The following PPFIA2 variants were observed in gnomAD, a reference collection of about 807,000 sequenced individuals.
PPFIA2 encodes PPFI scaffold protein A2.
PPFIA2 carries 46 observed loss-of-function variants against 175.5 expected under a neutral mutation model. The observed-to-expected ratio is 0.26, with a 90% CI of 0.21 to 0.34. PPFIA2 has a LOEUF of 0.34. Ranked by LOEUF, PPFIA2 falls within the 10% of genes least tolerant of loss-of-function variation. The pLI, the probability that PPFIA2 is intolerant of heterozygous loss-of-function variation, is 1.00. For synonymous variants in PPFIA2, 568 were observed against 511.4 expected (o/e 1.11, Z -1.49); for missense variants, 1,179 against 1,506.1 (o/e 0.78, Z 3.60).
intron 22 of PPFIA2, among the ~76,000 whole-genome samples, chr12:81,306,697 T>C (rs565125156): frequency 3.1e-4 from 47 of 151,878 alleles, no homozygotes; most frequent in African/African-American, 1.1e-3. Flanking sequence ...CGTGCCACCA[T>C]GCCTGGCTAA....
chr12:81,665,507 A>G (rs1037898800), intron 4 of PPFIA2, among the ~76,000 whole-genome samples: 1 of 151,998 alleles, frequency 6.6e-6, no homozygotes, highest in Non-Finnish European at 1.5e-5. Flanking sequence ...TGATTATGGA[A>G]AACTACATTT....
intron 4 of PPFIA2, among the ~76,000 whole-genome samples, chr12:81,481,565 C>G (rs1056578905): frequency 6.6e-6 from 1 of 152,052 alleles, no homozygotes; most frequent in Non-Finnish European, 1.5e-5. Flanking sequence ...TGGAACAGAA[C>G]AGAAGCCTCA....
chr12:81,557,147 C>A (rs958536272), intron 4 of PPFIA2, among the ~76,000 whole-genome samples: 8 of 151,410 alleles, frequency 5.3e-5, no homozygotes, highest in African/African-American at 1.9e-4. Context: ...ATTTCTCTCC[C>A]TGATCAATAG....
At chr12:81,411,199 C>T (rs2043903293) in intron 7 of PPFIA2, among the ~76,000 whole-genome samples, 1 of 152,016 alleles carries the variant, frequency 6.6e-6, no homozygotes, top group Admixed American at 6.6e-5. Context: ...TTTTGTGTTT[C>T]TACAACTTTG....
chr12:81,700,761 C>T (rs1337527106), intron 3 of PPFIA2, among the ~76,000 whole-genome samples: 2 of 151,826 alleles, frequency 1.3e-5, no homozygotes, highest in Non-Finnish European at 2.9e-5. Context: ...ATGGAGAAAA[C>T]AAAAACCAAA....
At chr12:81,513,019 T>A (rs1160856766) in intron 4 of PPFIA2, among the ~76,000 whole-genome samples, 16 of 151,832 alleles carry the variant, frequency 1.1e-4, no homozygotes, top group African/African-American at 3.6e-4. Context: ...AGGAATAATA[T>A]CCAGAATTGA....
chr12:81,306,122 C>T (rs767038686), intron 22 of PPFIA2, among the ~76,000 whole-genome samples: 9 of 152,152 alleles, frequency 5.9e-5, no homozygotes, highest in African/African-American at 9.7e-5. Flanking sequence ...TTCATACTTT[C>T]TAATGTATCT....
chr12:81,272,170 A>G (rs549665065), intron 28 of PPFIA2, among the ~76,000 whole-genome samples: 1 of 152,224 alleles, frequency 6.6e-6, no homozygotes, highest in African/African-American at 2.4e-5. Flanking sequence ...GGTTTTCAGT[A>G]GCTCTATTGT....
intron 30 of PPFIA2, among the ~76,000 whole-genome samples, chr12:81,264,957 G>T (rs543913332): frequency 4.8e-4 from 73 of 151,188 alleles, no homozygotes; most frequent in African/African-American, 1.5e-3. Context: ...ACACTGTAGA[G>T]CTACACAACT....
At chr12:81,630,100 A>G (rs910410550) in intron 4 of PPFIA2, among the ~76,000 whole-genome samples, 2 of 152,192 alleles carry the variant, frequency 1.3e-5, no homozygotes, top group African/African-American at 4.8e-5. Context: ...AGACTCTTGC[A>G]GTTGGAAAAG....
chr12:81,338,460 A>G (rs1413041621), intron 21 of PPFIA2, among the ~76,000 whole-genome samples: 1 of 152,092 alleles, frequency 6.6e-6, no homozygotes, highest in African/African-American at 2.4e-5. Context: ...ACCATTTCAA[A>G]TGTACTGATC....
At chr12:81,317,315 T>C (rs780303282) in intron 22 of PPFIA2, among the ~76,000 whole-genome samples, 3 of 151,534 alleles carry the variant, frequency 2.0e-5, no homozygotes, top group Non-Finnish European at 4.4e-5. Context: ...ATGGACTACA[T>C]AAAGCCATTT....
At chr12:81,756,853 A>C (rs1156889591) in intron 2 of PPFIA2, among the ~76,000 whole-genome samples, 1 of 152,158 alleles carries the variant, frequency 6.6e-6, no homozygotes, top group Admixed American at 6.5e-5. Context: ...ATTCTAGTAG[A>C]TACTTTTGAA....
Position 81,529,612 on chromosome 12 carries a change from TA to T in PPFIA2, c.304-71747del, listed in dbSNP as rs578186378. Reference sequence around the variant, plus strand: ...CATATACCAGGATTGCTCCAGGCACTAAAAATACAAAGGCAAGCAAGGCCAT... The same window carrying T: ...CATATACCAGGATTGCTCCAGGCACTAAAATACAAAGGCAAGCAAGGCCAT... On this transcript the variant is annotated intron_variant, in intron 4 of 32. Transcript: ENST00000549396. Among the ~76,000 whole-genome samples, 83 of 151,058 alleles carry T rather than the reference TA, an allele frequency of 5.5e-4. 2 individuals carry two copies. In the East Asian group the frequency reaches 0.015, roughly 27 times the overall value.
At position 81,405,694 on chromosome 12, in the gene PPFIA2, T is replaced by A. The variant is rs2042807346; in HGVS notation, c.762+93A>T. ...CTTTGACCAAAGAATCAACAAATAC[T>A]AAAAAAATGTTCATTATGTGGTTTT... On this transcript the variant is annotated intron_variant, in intron 8 of 32. Transcript: ENST00000549396. The A allele has an allele frequency of 4.2e-6, 3 of 717,598 alleles. No individual in the cohort carries two copies. The South Asian group carries it at 6.4e-5, about 15-fold the overall frequency. The allele number at this position is 717,598 out of a possible 1,614,324, so 44.5% of individuals were successfully genotyped here. A position where few individuals can be genotyped will look rare whatever the true frequency, so the allele number is the denominator to read the frequency against.
At chr12:81,712,644 G>C (rs1879611966) in intron 3 of PPFIA2, among the ~76,000 whole-genome samples, 6 of 151,104 alleles carry the variant, frequency 4.0e-5, no homozygotes. Flanking sequence ...TCTGAAGGTA[G>C]ATAGTTTGAA....
intron 4 of PPFIA2, among the ~76,000 whole-genome samples, chr12:81,466,221 C>T (rs2055592418): frequency 6.6e-6 from 1 of 152,020 alleles, no homozygotes. Context: ...TTTGTGCCCC[C>T]TTGAATTTTT....
intron 8 of PPFIA2, among the ~76,000 whole-genome samples, chr12:81,386,312 TA>T (rs2038936768): frequency 4.7e-5 from 7 of 147,764 alleles, no homozygotes; most frequent in Non-Finnish European, 1.0e-4. Flanking sequence ...AATAAATAAA[TA>T]AATAAATAAG....
chr12:81,278,478 T>C (rs1396108820), intron 27 of PPFIA2, among the ~76,000 whole-genome samples: 1 of 149,904 alleles, frequency 6.7e-6, no homozygotes, highest in Admixed American at 6.7e-5. Flanking sequence ...GAGGCGGAGG[T>C]TGAAGTAGCC....
Sources: gnomAD v4.1 joint callset for allele counts (sites outside exome capture counted in the v4.1 genomes callset) on GRCh38, gnomAD v4.1.1 for gene constraint, MANE v1.5 for transcripts, NCBI Gene and HGNC (gene_info 2026-07-23, HGNC 2026-07-21) for gene names.